ODAD4: variants seen among roughly 807,000 people sequenced by gnomAD.
ODAD4 encodes outer dynein arm docking complex subunit 4, also known as outer dynein arm-docking complex subunit 4.
A neutral mutation model predicts 51.8 loss-of-function variants in ODAD4; 49 were observed. That is an observed-to-expected ratio of 0.95 (90% CI 0.75 to 1.20). The LOEUF is 1.20. ODAD4 is among the 50% of genes most tolerant of loss of function. ODAD4 has a pLI of 0.00. For synonymous variants in ODAD4, 235 were observed against 221.3 expected (o/e 1.06, Z -0.55); for missense variants, 590 against 586.5 (o/e 1.01, Z -0.06).
intron 11 of ODAD4, among the ~76,000 whole-genome samples, chr17:41,963,302 T>TA (rs199524606): frequency 3.9e-4 from 58 of 148,302 alleles, no homozygotes; most frequent in African/African-American, 9.1e-4. Flanking sequence ...CCATAACTGA[T>TA]AAAAAAAAAA....
intron 1 of ODAD4, among the ~76,000 whole-genome samples, chr17:41,932,108 T>C (rs2050352225): frequency 2.0e-5 from 3 of 152,018 alleles, no homozygotes; most frequent in Admixed American, 2.0e-4. Context: ...TTGCTCTTCT[T>C]GCCCAGGCTG....
chr17:41,946,941 C>T (rs1555639674), intron 8 of ODAD4, among the ~76,000 whole-genome samples: 4 of 151,746 alleles, frequency 2.6e-5, no homozygotes, highest in South Asian at 2.1e-4. Context: ...AGCTCCACCT[C>T]CCGGGTTCAC....
At chr17:41,950,369 A>G (rs2050636738) in intron 9 of ODAD4, among the ~76,000 whole-genome samples, 1 of 150,730 alleles carries the variant, frequency 6.6e-6, no homozygotes, top group South Asian at 2.1e-4. Context: ...AGACTCCCCA[A>G]GTCCTATGAG....
intron 1 of ODAD4, among the ~76,000 whole-genome samples, chr17:41,932,317 C>G (rs929858817): frequency 2.0e-5 from 3 of 151,962 alleles, no homozygotes; most frequent in Admixed American, 6.6e-5. Context: ...GATCCCCCCC[C>G]ACCTCAGCCT....
chr17:41,949,420 T>C, intron 9 of ODAD4, 71 bp downstream of exon 9: 1 of 398,024 alleles, frequency 2.5e-6, no homozygotes, highest in Non-Finnish European at 4.4e-6. Context: ...GCTAGGAGTC[T>C]TGTGGACTGA....
chr17:41,955,353 G>A (rs200654596), intron 10 of ODAD4, 36 bp downstream of exon 10: 307 of 749,188 alleles, frequency 4.1e-4, no homozygotes, highest in Non-Finnish European at 7.1e-4. Context: ...CGGGTGTCAG[G>A]AGTGGGGTTG....
In ODAD4 at chr17:41,951,014, A is replaced by G. The variant is rs2050643961; in HGVS notation, c.1342+1665A>G. Among the ~76,000 whole-genome samples the G allele has an allele frequency of 2.7e-5, 4 of 150,016 alleles. No homozygotes were observed. In the Admixed American group the frequency reaches 2.7e-4, roughly 10 times the overall value. ...CATAAGCCACTGCACCCGGCCTCCA[A>G]GGGAACCTTTCAGAGTGATGGAAAT... On this transcript the variant is annotated intron_variant, in intron 9 of 11. Transcript: ENST00000377540.
chr17:41,956,240 G>A (rs2050731436), intron 10 of ODAD4, among the ~76,000 whole-genome samples: 1 of 151,540 alleles, frequency 6.6e-6, no homozygotes. Flanking sequence ...GTAGAGATGG[G>A]GTTTCACCAT....
chr17:41,934,636 G>A (rs2050399398), intron 1 of ODAD4, among the ~76,000 whole-genome samples: 1 of 152,144 alleles, frequency 6.6e-6, no homozygotes, highest in South Asian at 2.1e-4. Context: ...ACAGGTGTGA[G>A]CCACCACTCC....
intron 7 of ODAD4, among the ~76,000 whole-genome samples, chr17:41,944,306 G>A (rs1390571904): frequency 6.6e-6 from 1 of 151,896 alleles, no homozygotes; most frequent in Non-Finnish European, 1.5e-5. Flanking sequence ...GGAGGCTGCA[G>A]TGAGCCAAGA....
rs1192705790 is a variant in ODAD4 at position 41,944,420 on chromosome 17, ACACACACACACACACACACACACACC to A, written c.1059-714_1059-689del. ...CACACACACACACACACACACACAC[ACACACACACACACACACACACACACC>A]CCCCCGCATACACAGAAATTGCCTT... On this transcript the variant is annotated intron_variant, in intron 7 of 11. Transcript: ENST00000377540. 1.2e-3 allele frequency among the ~76,000 whole-genome samples: 20 copies of A among 16,258 alleles called. 2 individuals are homozygous for A. The highest frequency in any genetic ancestry group is 2.5e-3 in the African/African-American group (20 of 7,882). The allele number at this position is 16,258 out of a possible 152,430, so 10.7% of individuals were successfully genotyped here. A position where few individuals can be genotyped will look rare whatever the true frequency, so the allele number is the denominator to read the frequency against.
Position 41,941,619 on chromosome 17 carries a change from G to C in ODAD4, c.1058+2447G>C, listed in dbSNP as rs530601959. Among the ~76,000 whole-genome samples, 557 of 152,154 alleles carry C rather than the reference G, an allele frequency of 3.7e-3. 6 individuals carry two copies. Among genetic ancestry groups the C allele is most frequent in the African/African-American group, 0.013 (538 of 41,524 alleles). On this transcript the variant is annotated intron_variant, in intron 7 of 11. Transcript: ENST00000377540. Reference sequence around the variant, plus strand: ...TCTACTAAAAATACAAAAAAAATTAGCCGGGCGTAGTGTTAGCCGGGTGTG... The same window carrying C: ...TCTACTAAAAATACAAAAAAAATTACCCGGGCGTAGTGTTAGCCGGGTGTG...
At chr17:41,956,206 G>A (rs1000598904) in intron 10 of ODAD4, among the ~76,000 whole-genome samples, 4 of 151,438 alleles carry the variant, frequency 2.6e-5, no homozygotes, top group Admixed American at 6.6e-5. Context: ...CCCCCACCAC[G>A]CCCAGCTAAT....
chr17:41,962,979 C>G (rs1344543256), intron 11 of ODAD4, among the ~76,000 whole-genome samples: 2 of 152,190 alleles, frequency 1.3e-5, no homozygotes, highest in African/African-American at 4.8e-5. Context: ...GCTGGACCCC[C>G]TCAGAGGGGC....
intron 8 of ODAD4, among the ~76,000 whole-genome samples, chr17:41,947,317 A>G (rs2050602365): frequency 1.3e-5 from 2 of 149,166 alleles, no homozygotes; most frequent in African/African-American, 4.9e-5. Context: ...ACTAAAAAAA[A>G]AGAAAAAAAA....
intron 7 of ODAD4, among the ~76,000 whole-genome samples, chr17:41,941,810 C>T (rs1232558214): frequency 1.3e-5 from 2 of 151,974 alleles, no homozygotes; most frequent in Non-Finnish European, 2.9e-5. Flanking sequence ...CTGCCTGCTG[C>T]CCCAGGGGTT....
chr17:41,962,489 G>C (rs1257048724), intron 11 of ODAD4, among the ~76,000 whole-genome samples: 1 of 152,172 alleles, frequency 6.6e-6, no homozygotes, highest in East Asian at 1.9e-4. Flanking sequence ...GGGCCTAGAG[G>C]AACAGGGGTG....
At chr17:41,955,450 CAG>C (rs1234932312) in intron 10 of ODAD4, 133 bp downstream of exon 10, 1 of 601,944 alleles carries the variant, frequency 1.7e-6, no homozygotes, top group East Asian at 2.9e-5. Flanking sequence ...TGTTTTGAGA[CAG>C]AGTCTTGCTC....
chr17:41,936,719 G>C (rs543668996), intron 4 of ODAD4, 43 bp from the exon 5 acceptor site: 10 of 1,609,364 alleles, frequency 6.2e-6, no homozygotes, highest in Non-Finnish European at 8.5e-6. Context: ...GGTACACTCT[G>C]CTCCTTGCTG....
Sources: gnomAD v4.1 joint callset for allele counts (sites outside exome capture counted in the v4.1 genomes callset) on GRCh38, gnomAD v4.1.1 for gene constraint, MANE v1.5 for transcripts, NCBI Gene and HGNC (gene_info 2026-07-23, HGNC 2026-07-21) for gene names.